Variants in EGR3 observed in about 807,000 individuals in gnomAD.
EGR3 encodes the protein early growth response protein 3.
EGR3 carries 4 observed loss-of-function variants against 22.4 expected under a neutral mutation model. That is an observed-to-expected ratio of 0.18 (90% confidence interval 0.09 to 0.41). The LOEUF is 0.41. Ranked by LOEUF, EGR3 falls within the 10% of genes least tolerant of loss-of-function variation. The probability of loss-of-function intolerance (pLI) is 1.00; values close to 1 mark genes in which losing one functional copy is unlikely to be tolerated. For missense variants in EGR3, 315 were observed against 541.3 expected (o/e 0.58, Z 4.15); for synonymous variants, 219 against 226.8 (o/e 0.97, Z 0.31).
At position 22,692,333 on chromosome 8, in the gene EGR3, T is replaced by G; in HGVS notation, c.154+458A>C. ...CACCGCGGGGACTCCACGCCGCACA[T>G]GGCTCCATCCCGGGTGGGAGGCTGA... On this transcript the variant is annotated intron_variant, in intron 1 of 1. Transcript: ENST00000317216. The surrounding 1 kb of genome is among the most constrained non-coding windows in gnomAD (Gnocchi z 6.2). The G allele has an allele frequency of 6.6e-7, 1 of 1,511,716 alleles. No homozygotes were observed. The highest frequency in any genetic ancestry group is 8.8e-7 in the Non-Finnish European group (1 of 1,136,920). The allele number at this position is 1,511,716 out of a possible 1,614,324, so 93.6% of individuals were successfully genotyped here. A position where few individuals can be genotyped will look rare whatever the true frequency, so the allele number is the denominator to read the frequency against.
rs867282466 is a variant in EGR3, at chr8:22,689,933, T to A, written c.*540A>T. 42 of 155,398 alleles carry A rather than the reference T, an allele frequency of 2.7e-4. No individual in the cohort carries two copies. The highest frequency in any genetic ancestry group is 9.0e-4 in the African/African-American group (37 of 41,292). The allele number at this position is 155,398 out of a possible 1,614,324, so 9.6% of individuals were successfully genotyped here. The stretch of plus-strand genomic sequence containing the variant: ...CTTGCGCGCGCGCACACACACACAC[T>A]CACACACACACATACACACACACGC... On this transcript the variant is annotated 3_prime_UTR_variant, in exon 2 of 2. Coordinates refer to ENST00000317216, the MANE Select transcript of EGR3 (RefSeq NM_004430.3).
Position 22,690,391 on chromosome 8 carries a change from C to T in EGR3, c.*82G>A. The T allele has an allele frequency of 1.6e-6, 2 of 1,251,754 alleles. No individual in the cohort carries two copies. Among genetic ancestry groups the T allele is most frequent in the Non-Finnish European group, 2.2e-6 (2 of 912,958 alleles). 77.5% of individuals were successfully genotyped at this position (1,251,754 alleles called of 1,614,324 possible). A position where few individuals can be genotyped will look rare whatever the true frequency, so the allele number is the denominator to read the frequency against. ...AGGCCAGGGCGCGGCCCCTACGCCT[C>T]CGTGGCTGGCTTTCCCGCTGCTTTC... On this transcript the variant is annotated 3_prime_UTR_variant, in exon 2 of 2. Transcript: ENST00000317216.
At position 22,692,745 on chromosome 8, in the gene EGR3, C is replaced by G. The variant is rs1453238655; in HGVS notation, c.154+46G>C. On this transcript the variant is annotated intron_variant, in intron 1 of 1. Transcript: ENST00000317216. This position sits in a 1 kb window ranked among gnomAD's most constrained non-coding sequence, Gnocchi z 6.2. ...CAGGTCGTCCCCTCCTCCTCTTCCT[C>G]TCCCCTTCCTTCCTCGCTGCCTCGC... 6.2e-7 allele frequency: 1 copy of G among 1,608,172 alleles called. No individual in the cohort carries two copies. Among genetic ancestry groups the G allele is most frequent in the South Asian group, 1.1e-5 (1 of 90,928 alleles).
In EGR3 at chr8:22,690,170, C is replaced by A. The variant is rs1224549741; in HGVS notation, c.*303G>T. On this transcript the variant is annotated 3_prime_UTR_variant, in exon 2 of 2. Transcript: ENST00000317216. ...AGTCCCTTGCAGGTCCTTGGCGCGG[C>A]CCGGCGGCCCCTGGATCAAGGCGAT... is the stretch of plus-strand genomic sequence containing the variant. 4.9e-5 allele frequency: 21 copies of A among 426,594 alleles called. No individual in the cohort carries two copies. In the East Asian group the frequency reaches 7.8e-4, roughly 16 times the overall value. 26.4% of individuals were successfully genotyped at this position (426,594 alleles called of 1,614,324 possible).
intron 1 of EGR3, 67 bp from the exon 2 acceptor site, chr8:22,691,549 A>G: frequency 6.4e-7 from 1 of 1,570,822 alleles, no homozygotes; most frequent in South Asian, 1.2e-5. Context: ...CGCGGCGCCC[A>G]GGTCCTTGCC....
chr8:22,691,316 G>T lies in EGR3; in HGVS notation c.321C>A (p.Ser107Arg). The change falls in exon 2 of 2, where the codon AGC becomes AGA. Residue 107 changes from serine to arginine, a missense_variant. By Grantham distance (110) the Ser-to-Arg change is moderately radical (BLOSUM62 -1). This residue lies in a region of EGR3 where 227 missense variants were observed against 303.6 expected (regional missense o/e 0.75). Coordinates refer to ENST00000317216, the MANE Select transcript of EGR3 (RefSeq NM_004430.3). ...WCQDNIISLM[S>R]AGILGVPPAS... The stretch of plus-strand genomic sequence containing the variant: ...CCGGGGGCACCCCCAAGATGCCGGC[G>T]CTCATGAGGCTAATGATGTTGTCCT... 3.7e-6 allele frequency: 6 copies of T among 1,614,036 alleles called. No individual in the cohort carries two copies. Among genetic ancestry groups the T allele is most frequent in the Non-Finnish European group, 5.1e-6 (6 of 1,180,018 alleles).
Position 22,690,319 on chromosome 8 carries a change from G to C in EGR3, c.*154C>G, listed in dbSNP as rs1385489385. On this transcript the variant is annotated 3_prime_UTR_variant, in exon 2 of 2. Transcript: ENST00000317216. ...ACCGCTGGCCGGCGTGAAAGGTTGG[G>C]AACCGGGGGCATCGAAGGGGAAGCA... is the stretch of plus-strand genomic sequence containing the variant. The C allele has an allele frequency of 1.5e-6, 1 of 666,622 alleles. No individual in the cohort carries two copies. The highest frequency in any genetic ancestry group is 2.5e-6 in the Non-Finnish European group (1 of 399,474). The allele number at this position is 666,622 out of a possible 1,614,324, so 41.3% of individuals were successfully genotyped here.
At position 22,690,919 on chromosome 8, in the gene EGR3, G is replaced by A; in HGVS notation, c.718C>T (p.His240Tyr). The A allele has an allele frequency of 6.4e-7, 1 of 1,570,440 alleles. No homozygotes were observed. The change falls in exon 2 of 2, where the codon CAC becomes TAC. Residue 240 changes from histidine (H) to tyrosine (Y), a missense_variant. Coordinates refer to ENST00000317216, the MANE Select transcript of EGR3 (RefSeq NM_004430.3). ...TIKAFKDKQIHPGFGSLPQPP... is the reference protein window; with the variant it reads ...TIKAFKDKQIYPGFGSLPQPP... ...TGGGGCAGGCTGCCAAAGCCCGGGT[G>A]GATCTGCTTGTCTTTGAATGCCTTG...
rs1296752168 is a variant in EGR3 at position 22,689,024 on chromosome 8, T to A, written c.*1449A>T. ...ACACATATCCATACATAGATGTGTA[T>A]ATGTGTATATATGTACACTCACATG... On this transcript the variant is annotated 3_prime_UTR_variant, in exon 2 of 2. Coordinates refer to ENST00000317216, the MANE Select transcript of EGR3 (RefSeq NM_004430.3). 1.3e-5 allele frequency: 2 copies of A among 152,642 alleles called. No individual in the cohort carries two copies. The highest frequency in any genetic ancestry group is 4.8e-5 in the African/African-American group (2 of 41,448). 9.5% of individuals were successfully genotyped at this position (152,642 alleles called of 1,614,324 possible). A position where few individuals can be genotyped will look rare whatever the true frequency, so the allele number is the denominator to read the frequency against.
rs768181133 is a variant in EGR3, at chr8:22,692,949, C to G, written c.-5G>C. The stretch of plus-strand genomic sequence containing the variant: ...CTCGGCGAGTTTGCCGGTCATAGCA[C>G]TCCCGAGCTGCCGCCGCCGCCGCCA... On this transcript the variant is annotated 5_prime_UTR_variant, in exon 1 of 2. Transcript: ENST00000317216. The surrounding 1 kb of genome is among the most constrained non-coding windows in gnomAD (Gnocchi z 6.2). The G allele has an allele frequency of 3.1e-6, 5 of 1,607,612 alleles. No homozygotes were observed. The Admixed American group carries it at 8.4e-5, about 27-fold the overall frequency.
In EGR3 at chr8:22,692,166, C is replaced by T; in HGVS notation, c.154+625G>A. The T allele has an allele frequency of 7.2e-7, 1 of 1,382,096 alleles. No homozygotes were observed. Among genetic ancestry groups the T allele is most frequent in the Non-Finnish European group, 9.3e-7 (1 of 1,072,808 alleles). 85.6% of individuals were successfully genotyped at this position (1,382,096 alleles called of 1,614,324 possible). A position where few individuals can be genotyped will look rare whatever the true frequency, so the allele number is the denominator to read the frequency against. On this transcript the variant is annotated intron_variant, in intron 1 of 1. Coordinates refer to ENST00000317216, the MANE Select transcript of EGR3 (RefSeq NM_004430.3). This position sits in a 1 kb window ranked among gnomAD's most constrained non-coding sequence, Gnocchi z 6.2. ...GTGTCTCCATGGCGGGAGAGGCCGCCCTTCCCCAGCTCCCCGGCCCCGGGA... is the reference window on the plus strand; with the variant it reads ...GTGTCTCCATGGCGGGAGAGGCCGCTCTTCCCCAGCTCCCCGGCCCCGGGA...
At chr8:22,691,555 T>C in intron 1 of EGR3, 73 bp from the exon 2 acceptor site, 1 of 1,561,390 alleles carries the variant, frequency 6.4e-7, no homozygotes, top group Non-Finnish European at 8.7e-7. Context: ...GCCCAGGTCC[T>C]TGCCCAGGTG....
intron 1 of EGR3, chr8:22,691,909 G>T: frequency 2.4e-6 from 3 of 1,227,768 alleles, no homozygotes; most frequent in African/African-American, 3.1e-5. Context: ...CCAGGACGCC[G>T]CGCCTTTCCC....
Position 22,690,102 on chromosome 8 carries a change from T to G in EGR3, c.*371A>C. The stretch of plus-strand genomic sequence containing the variant: ...ATAGAGGGAGACGTGGGGGAAACAA[T>G]GAGGTGTTTGGGTCGGGCGAGGGTT... On this transcript the variant is annotated 3_prime_UTR_variant, in exon 2 of 2. Transcript: ENST00000317216. 6 of 266,166 alleles carry G rather than the reference T, an allele frequency of 2.3e-5. No individual in the cohort carries two copies. The highest frequency in any genetic ancestry group is 1.1e-3 in the Middle Eastern group (1 of 910). 16.5% of individuals were successfully genotyped at this position (266,166 alleles called of 1,614,324 possible).
Position 22,688,045 on chromosome 8 carries a change from A to G in EGR3, c.*2428T>C, listed in dbSNP as rs1306963733. 6.6e-6 allele frequency: 1 copy of G among 152,536 alleles called. No individual in the cohort carries two copies. Among genetic ancestry groups the G allele is most frequent in the Non-Finnish European group, 1.5e-5 (1 of 68,018 alleles). 9.4% of individuals were successfully genotyped at this position (152,536 alleles called of 1,614,324 possible). A position where few individuals can be genotyped will look rare whatever the true frequency, so the allele number is the denominator to read the frequency against. On this transcript the variant is annotated 3_prime_UTR_variant, in exon 2 of 2. Coordinates refer to ENST00000317216, the MANE Select transcript of EGR3 (RefSeq NM_004430.3). ...ATACAAAAGTCTTTCAAAAAATATC[A>G]TTCCCCATAGGTTTTCCTGTTTAAA...
In EGR3 at chr8:22,689,258, T is replaced by G. The variant is rs1229718335; in HGVS notation, c.*1215A>C. 6.6e-6 allele frequency: 1 copy of G among 152,592 alleles called. No individual in the cohort carries two copies. The highest frequency in any genetic ancestry group is 1.5e-5 in the Non-Finnish European group (1 of 68,044). 9.5% of individuals were successfully genotyped at this position (152,592 alleles called of 1,614,324 possible). ...ATACATATTGTGTGTATGTTATGTATATGTACGCATGTGCATCTTTATACA... is the reference window on the plus strand; with the variant it reads ...ATACATATTGTGTGTATGTTATGTAGATGTACGCATGTGCATCTTTATACA... On this transcript the variant is annotated 3_prime_UTR_variant, in exon 2 of 2. Transcript: ENST00000317216.
Position 22,687,919 on chromosome 8 carries a change from TA to T in EGR3, c.*2553del, listed in dbSNP as rs1159708001. ...TTTCACCTTTTCACAATATCAAGCA[TA>T]TTTTTTTAACCTTAGTATAAGGTAC... On this transcript the variant is annotated 3_prime_UTR_variant, in exon 2 of 2. Coordinates refer to ENST00000317216, the MANE Select transcript of EGR3 (RefSeq NM_004430.3). The surrounding 1 kb of genome is among the most constrained non-coding windows in gnomAD (Gnocchi z 4.7). 2.0e-5 allele frequency: 3 copies of T among 152,668 alleles called. No homozygotes were observed. Among genetic ancestry groups the T allele is most frequent in the African/African-American group, 7.2e-5 (3 of 41,458 alleles). The allele number at this position is 152,668 out of a possible 1,614,324, so 9.5% of individuals were successfully genotyped here. A position where few individuals can be genotyped will look rare whatever the true frequency, so the allele number is the denominator to read the frequency against.
In EGR3 at chr8:22,687,680, A is replaced by G. The variant is rs1803814410; in HGVS notation, c.*2793T>C. 6.6e-6 allele frequency: 1 copy of G among 152,660 alleles called. No individual in the cohort carries two copies. Among genetic ancestry groups the G allele is most frequent in the Admixed American group, 6.5e-5 (1 of 15,290 alleles). The allele number at this position is 152,660 out of a possible 1,614,324, so 9.5% of individuals were successfully genotyped here. ...AAAAAACAGGCCAAACTAAAGCTTT[A>G]TGCTATAAAAACAAGAAATAAAATA... On this transcript the variant is annotated 3_prime_UTR_variant, in exon 2 of 2. Transcript: ENST00000317216. This position sits in a 1 kb window ranked among gnomAD's most constrained non-coding sequence, Gnocchi z 4.7.
In EGR3 at chr8:22,688,150, A is replaced by G. The variant is rs1206718041; in HGVS notation, c.*2323T>C. 1 of 152,354 alleles carries G rather than the reference A, an allele frequency of 6.6e-6. No homozygotes were observed. The highest frequency in any genetic ancestry group is 1.5e-5 in the Non-Finnish European group (1 of 68,008). The allele number at this position is 152,354 out of a possible 1,614,324, so 9.4% of individuals were successfully genotyped here. On this transcript the variant is annotated 3_prime_UTR_variant, in exon 2 of 2. Transcript: ENST00000317216. ...TTTTTTTTTTTAAACATGCAGACATATAAAAAATCTGGATAGCACAACCTT... is the reference window on the plus strand; with the variant it reads ...TTTTTTTTTTTAAACATGCAGACATGTAAAAAATCTGGATAGCACAACCTT...
Sources: allele counts gnomAD v4.1 joint callset, GRCh38; gene constraint gnomAD v4.1.1; regional missense constraint gnomAD v4.1.1; non-coding constraint Gnocchi (gnomAD v3.1); transcripts MANE v1.5; gene names NCBI Gene and HGNC (gene_info 2026-07-23, HGNC 2026-07-21).